BTG4: variants seen among roughly 807,000 people sequenced by gnomAD.
BTG4 encodes the protein protein BTG4.
Under a neutral mutation model 19.3 loss-of-function variants are expected in BTG4, and 10 were observed. That is an observed-to-expected ratio of 0.52 (90% CI 0.32 to 0.88). BTG4 has a LOEUF of 0.88. BTG4 is among the 40% of genes least tolerant of loss of function. BTG4 has a pLI of 0.04. For missense variants in BTG4, 238 were observed against 281.9 expected (o/e 0.84, Z 1.11); for synonymous variants, 91 against 95.7 (o/e 0.95, Z 0.29).
chr11:111,475,986 T>C (rs559558985), intron 5 of BTG4, among the ~76,000 whole-genome samples: 1 of 151,958 alleles, frequency 6.6e-6, no homozygotes, highest in African/African-American at 2.4e-5. Flanking sequence ...AAGAACAGTA[T>C]GGGGGAAACC....
chr11:111,441,292 AG>A, the BTG4 span, among the ~76,000 whole-genome samples: 7 of 152,112 alleles, frequency 4.6e-5, no homozygotes, highest in African/African-American at 7.2e-5. Context: ...GGAGTAGGGG[AG>A]AGAACAGGGT....
chr11:111,507,750 G>A (rs997395648), intron 1 of BTG4: 1 of 152,102 alleles, frequency 6.6e-6, no homozygotes, highest in South Asian at 2.1e-4. Flanking sequence ...AAGAGGAGAG[G>A]GATCCTCTCA....
chr11:111,493,023 G>A (rs935656357), downstream of BTG4, among the ~76,000 whole-genome samples: 7 of 152,156 alleles, frequency 4.6e-5, no homozygotes, highest in Non-Finnish European at 7.3e-5. Flanking sequence ...GCGCACGCTT[G>A]TAGTCCCAGC....
At chr11:111,410,965 T>C in the BTG4 span, among the ~76,000 whole-genome samples, 2 of 152,192 alleles carry the variant, frequency 1.3e-5, no homozygotes, top group African/African-American at 4.8e-5. Flanking sequence ...ATGTCTAATA[T>C]ACAACTACTT....
chr11:111,461,119 A>G, the BTG4 span, among the ~76,000 whole-genome samples: 1 of 152,106 alleles, frequency 6.6e-6, no homozygotes, highest in African/African-American at 2.4e-5. Context: ...GCGGTAATTC[A>G]GCCATTGGCA....
chr11:111,424,593 G>T, the BTG4 span, among the ~76,000 whole-genome samples: 2 of 152,176 alleles, frequency 1.3e-5, no homozygotes, highest in South Asian at 4.1e-4. Flanking sequence ...AAGTGGTAAG[G>T]TTATGTGGTT....
chr11:111,390,151 T>C, the BTG4 span, among the ~76,000 whole-genome samples: 2 of 152,182 alleles, frequency 1.3e-5, no homozygotes, highest in Non-Finnish European at 2.9e-5. Flanking sequence ...AATCACCACA[T>C]CACATTATTC....
the BTG4 span, among the ~76,000 whole-genome samples, chr11:111,421,977 C>T: frequency 6.6e-6 from 1 of 152,066 alleles, no homozygotes; most frequent in Non-Finnish European, 1.5e-5. Flanking sequence ...TGAGACCAAG[C>T]TCACGGGAAT....
intron 5 of BTG4, among the ~76,000 whole-genome samples, chr11:111,487,622 G>C (rs933701702): frequency 3.2e-4 from 48 of 152,174 alleles, no homozygotes; most frequent in African/African-American, 1.1e-3. Flanking sequence ...AACTAGATGA[G>C]AGAAAGAAAT....
At chr11:111,419,105 C>A in the BTG4 span, among the ~76,000 whole-genome samples, 1 of 152,316 alleles carries the variant, frequency 6.6e-6, no homozygotes, top group Admixed American at 6.5e-5. Flanking sequence ...CATATGACCT[C>A]ATTTTACCTA....
At chr11:111,447,773 T>C in the BTG4 span, among the ~76,000 whole-genome samples, 1 of 152,170 alleles carries the variant, frequency 6.6e-6, no homozygotes, top group African/African-American at 2.4e-5. Flanking sequence ...TATCTTAGAT[T>C]TCATCCTCAT....
At chr11:111,465,945 T>A (rs980279791), downstream of BTG4, among the ~76,000 whole-genome samples, 33 of 152,208 alleles carry the variant, frequency 2.2e-4, no homozygotes, top group African/African-American at 8.0e-4. Flanking sequence ...ATCTCATTAT[T>A]AATTCCTCCT....
chr11:111,479,007 T>A (rs1329745983), intron 5 of BTG4, among the ~76,000 whole-genome samples: 1 of 151,672 alleles, frequency 6.6e-6, no homozygotes, highest in East Asian at 1.9e-4. Context: ...CCCCACAGAT[T>A]TAAAAAGCTG....
the BTG4 span, chr11:111,460,227 C>T: frequency 6.6e-6 from 1 of 152,532 alleles, no homozygotes; most frequent in East Asian, 1.9e-4. Context: ...ATCCCAATCT[C>T]GATTGGGGCT....
At chr11:111,486,895 G>C (rs1865097327) in intron 5 of BTG4, among the ~76,000 whole-genome samples, 1 of 152,120 alleles carries the variant, frequency 6.6e-6, no homozygotes, top group Admixed American at 6.6e-5. Context: ...TGCCATGGTG[G>C]TTTGCTGCAC....
chr11:111,399,988 G>A, the BTG4 span, among the ~76,000 whole-genome samples: 122 of 152,280 alleles, frequency 8.0e-4, 1 homozygote, highest in African/African-American at 2.8e-3. Flanking sequence ...AGAGAAATGG[G>A]AGGCCCTGGA....
the BTG4 span, chr11:111,400,953 C>A: frequency 6.8e-6 from 1 of 146,546 alleles, no homozygotes; most frequent in South Asian, 2.2e-4. Context: ...TCAAAACTGT[C>A]AAGGTCATAA....
chr11:111,396,641 G>A, the BTG4 span, among the ~76,000 whole-genome samples: 1 of 152,230 alleles, frequency 6.6e-6, no homozygotes, highest in Admixed American at 6.5e-5. Flanking sequence ...TGTGTTCTCA[G>A]GCATGTGGGC....
the BTG4 span, among the ~76,000 whole-genome samples, chr11:111,407,855 G>A: frequency 6.6e-6 from 1 of 152,202 alleles, no homozygotes; most frequent in East Asian, 1.9e-4. Flanking sequence ...TTTGCACCCA[G>A]GTGGGGCTGT....
Sources: allele counts gnomAD v4.1 joint callset (sites outside exome capture counted in the v4.1 genomes callset), GRCh38; gene constraint gnomAD v4.1.1; transcripts MANE v1.5; gene names NCBI Gene and HGNC (gene_info 2026-07-23, HGNC 2026-07-21).